The following RABGAP1L variants were observed in gnomAD, a reference collection of about 807,000 sequenced individuals.
RABGAP1L encodes the protein RAB GTPase activating protein 1 like.
Under a neutral mutation model 137.7 loss-of-function variants are expected in RABGAP1L, and 63 were observed. That is an observed-to-expected ratio of 0.46 (90% CI 0.37 to 0.56). RABGAP1L has a LOEUF of 0.56. Ranked by LOEUF, RABGAP1L falls within the 20% of genes least tolerant of loss-of-function variation. The probability of loss-of-function intolerance (pLI) is 0.00; values close to 1 mark genes in which losing one functional copy is unlikely to be tolerated. For missense variants in RABGAP1L, 1,095 were observed against 1,244.0 expected (o/e 0.88, Z 1.80); for synonymous variants, 431 against 433.7 (o/e 0.99, Z 0.08).
intron 18 of RABGAP1L, among the ~76,000 whole-genome samples, chr1:174,779,999 GA>G (rs1686830312): frequency 6.6e-6 from 1 of 151,716 alleles, no homozygotes; most frequent in African/African-American, 2.4e-5. Flanking sequence ...CCAGGAGGGG[GA>G]GATTGCAGTG....
intron 14 of RABGAP1L, among the ~76,000 whole-genome samples, chr1:174,645,878 T>A (rs955469604): frequency 3.9e-5 from 6 of 152,180 alleles, no homozygotes; most frequent in African/African-American, 1.4e-4. Flanking sequence ...TGTTGTTTCC[T>A]GACTTTTTAA....
chr1:174,337,173 G>T (rs1054422205), intron 11 of RABGAP1L, among the ~76,000 whole-genome samples: 2 of 151,936 alleles, frequency 1.3e-5, no homozygotes, highest in Non-Finnish European at 2.9e-5. Flanking sequence ...TGAGTCCTCT[G>T]TTCAGAGTTC....
At position 174,512,472 on chromosome 1, in the gene RABGAP1L, CAT is replaced by C. The variant is rs1400681356; in HGVS notation, c.1710+118331_1710+118332del. Among the ~76,000 whole-genome samples the C allele has an allele frequency of 4.6e-5, 7 of 152,148 alleles. No homozygotes were observed. The South Asian group carries it at 1.4e-3, about 32-fold the overall frequency. On this transcript the variant is annotated intron_variant, in intron 13 of 25. Transcript: ENST00000681986. ...AAAATAGGAACGTAAGGAAGATAAACATATACATAAGAAGTGAGTGTTTAAGC... is the reference window on the plus strand; with the variant it reads ...AAAATAGGAACGTAAGGAAGATAAACATACATAAGAAGTGAGTGTTTAAGC...
Position 174,394,068 on chromosome 1 carries a change from G to A in RABGAP1L, c.1633G>A (p.Ala545Thr). 1 of 1,613,888 alleles carries A rather than the reference G, an allele frequency of 6.2e-7. No individual in the cohort carries two copies. Among genetic ancestry groups the A allele is most frequent in the South Asian group, 1.1e-5 (1 of 91,076 alleles). ...VKSGVPEALRAEVWQLLAGCH... is the reference protein window; with the variant it reads ...VKSGVPEALRTEVWQLLAGCH... ...GAGTGGTGTCCCTGAAGCATTGAGG[G>A]CAGAGGTATGGCAGTTATTGGCAGG... Residue 545 changes from alanine to threonine, a missense_variant, in exon 13 of 26, where the codon GCA (alanine) becomes ACA (threonine). By Grantham distance (58) the Ala-to-Thr change is moderately conservative. Transcript: ENST00000681986.
At chr1:174,902,557 T>C (rs1331351369) in intron 19 of RABGAP1L, among the ~76,000 whole-genome samples, 4 of 152,228 alleles carry the variant, frequency 2.6e-5, no homozygotes, top group Non-Finnish European at 5.9e-5. Context: ...GGTCTCTGCA[T>C]GTACCTAAGT....
chr1:174,344,498 C>T (rs1192360773), intron 11 of RABGAP1L, among the ~76,000 whole-genome samples: 1 of 152,064 alleles, frequency 6.6e-6, no homozygotes, highest in East Asian at 1.9e-4. Flanking sequence ...AGGATTCAGA[C>T]TAAAAAAATG....
rs35889834 is a variant in RABGAP1L, at chr1:174,747,402, T to TAA, written c.2170-4888_2170-4887dup. Among the ~76,000 whole-genome samples the TAA allele has an allele frequency of 4.8e-3, 397 of 81,860 alleles. 8 individuals are homozygous for TAA. The East Asian group carries it at 0.067, about 14-fold the overall frequency. The allele number at this position is 81,860 out of a possible 152,430, so 53.7% of individuals were successfully genotyped here. A position where few individuals can be genotyped will look rare whatever the true frequency, so the allele number is the denominator to read the frequency against. On this transcript the variant is annotated intron_variant, in intron 17 of 25. Coordinates refer to ENST00000681986, the MANE Select transcript of RABGAP1L (RefSeq NM_001366446.1). The stretch of plus-strand genomic sequence containing the variant: ...GTGTGACAGAGTGAAATTCTATCTC[T>TAA]AAAAAAAAAAAAAAAAAAAAAAAAC...
chr1:174,880,565 C>G (rs187909975), intron 19 of RABGAP1L, among the ~76,000 whole-genome samples: 4 of 151,764 alleles, frequency 2.6e-5, no homozygotes, highest in Admixed American at 2.6e-4. Context: ...TTCTCCCTCC[C>G]TCCCTCCCTC....
chr1:174,635,305 A>G (rs1274504075), intron 13 of RABGAP1L, among the ~76,000 whole-genome samples: 1 of 152,168 alleles, frequency 6.6e-6, no homozygotes, highest in East Asian at 1.9e-4. Context: ...TACCCCTGAA[A>G]TATTTCAGCA....
chr1:174,952,141 CACTCCTAAATATACAAAGCCCTTGA>C (rs1667797332), intron 19 of RABGAP1L, among the ~76,000 whole-genome samples: 2 of 151,878 alleles, frequency 1.3e-5, no homozygotes, highest in Non-Finnish European at 2.9e-5. Context: ...TGTTGAAAAG[CACTCCTAAATATACAAAGCCCTTGA>C]ACTCCTAAAT....
intron 13 of RABGAP1L, among the ~76,000 whole-genome samples, chr1:174,493,682 A>G (rs1660473712): frequency 6.6e-6 from 1 of 151,572 alleles, no homozygotes; most frequent in Non-Finnish European, 1.5e-5. Context: ...TCAGCCTGGC[A>G]TGGTGGTGTG....
chr1:174,407,581 AGCT>A (rs1558208203), intron 13 of RABGAP1L, among the ~76,000 whole-genome samples: 2 of 152,222 alleles, frequency 1.3e-5, no homozygotes, highest in African/African-American at 4.8e-5. Flanking sequence ...GTGCTGATGT[AGCT>A]GCATTGACAG....
intron 19 of RABGAP1L, among the ~76,000 whole-genome samples, chr1:174,873,006 C>A (rs1022009595): frequency 6.6e-6 from 1 of 152,194 alleles, no homozygotes. Context: ...GGAACAGTTT[C>A]TCCAGGGTGC....
chr1:174,417,622 G>C (rs1222902042), intron 13 of RABGAP1L, among the ~76,000 whole-genome samples: 1 of 152,152 alleles, frequency 6.6e-6, no homozygotes, highest in East Asian at 1.9e-4. Flanking sequence ...ATTTTTAATA[G>C]TTTGTTTTAA....
intron 19 of RABGAP1L, chr1:174,877,632 G>A: frequency 6.3e-7 from 1 of 1,599,680 alleles, no homozygotes; most frequent in Non-Finnish European, 8.6e-7. Flanking sequence ...ACACTACTCT[G>A]GTTCTGTATT....
chr1:174,249,404 G>A (rs1050911233), intron 5 of RABGAP1L, among the ~76,000 whole-genome samples: 1 of 152,170 alleles, frequency 6.6e-6, no homozygotes, highest in Non-Finnish European at 1.5e-5. Flanking sequence ...CCTTGTTTGT[G>A]AGAGTGTGTT....
chr1:174,988,501 C>A, intron 24 of RABGAP1L, 140 bp from the exon 25 acceptor site: 1 of 755,168 alleles, frequency 1.3e-6, no homozygotes, highest in Non-Finnish European at 1.9e-6. Context: ...TTGATTGCAG[C>A]ACAAGAAAAA....
intron 13 of RABGAP1L, among the ~76,000 whole-genome samples, chr1:174,603,693 G>A (rs1405490069): frequency 6.6e-6 from 1 of 151,836 alleles, no homozygotes; most frequent in East Asian, 2.0e-4. Context: ...CACAGCACTA[G>A]TTCTCACCCA....
chr1:174,233,736 G>T (rs1452362860), intron 4 of RABGAP1L, among the ~76,000 whole-genome samples: 2 of 135,178 alleles, frequency 1.5e-5, no homozygotes, highest in Non-Finnish European at 3.0e-5. Flanking sequence ...ACGTGTGCAT[G>T]TGTCTTTATA....
Sources: allele counts gnomAD v4.1 joint callset (sites outside exome capture counted in the v4.1 genomes callset), GRCh38; gene constraint gnomAD v4.1.1; transcripts MANE v1.5; gene names NCBI Gene and HGNC (gene_info 2026-07-23, HGNC 2026-07-21).